The following LRRC9 variants were observed in gnomAD, a reference collection of about 807,000 sequenced individuals.
LRRC9 encodes the protein leucine-rich repeat-containing protein 9.
A neutral mutation model predicts 63.2 loss-of-function variants in LRRC9; 122 were observed. That is an observed-to-expected ratio of 1.93 (90% CI 1.67 to 2.24). The LOEUF (loss-of-function observed/expected upper bound fraction) is 2.24. Ranked by LOEUF, LRRC9 falls within the 30% of genes most tolerant of loss-of-function variation. LRRC9 has a pLI of 0.00. For synonymous variants in LRRC9, 366 were observed against 213.1 expected (o/e 1.72, Z -6.25); for missense variants, 1,071 against 627.7 (o/e 1.71, Z -7.55).
chr14:59,998,299 A>T (rs1441124934), intron 18 of LRRC9, among the ~76,000 whole-genome samples: 1 of 151,938 alleles, frequency 6.6e-6, no homozygotes, highest in Non-Finnish European at 1.5e-5. Flanking sequence ...TTTATTTTGC[A>T]TTTTGCATTA....
chr14:59,976,753 T>A (rs1193320891), intron 13 of LRRC9, among the ~76,000 whole-genome samples: 1 of 152,196 alleles, frequency 6.6e-6, no homozygotes, highest in African/African-American at 2.4e-5. Context: ...AATTACGTTT[T>A]TAGTTTCTTG....
At chr14:60,054,958 C>T (rs1176185634) in intron 30 of LRRC9, among the ~76,000 whole-genome samples, 18 of 152,128 alleles carry the variant, frequency 1.2e-4, no homozygotes. Flanking sequence ...TGAGGTTTTG[C>T]CATGTTGGCC....
chr14:60,021,225 T>A (rs1362670299), intron 26 of LRRC9, among the ~76,000 whole-genome samples: 1 of 151,946 alleles, frequency 6.6e-6, no homozygotes, highest in African/African-American at 2.4e-5. Flanking sequence ...GGTTTTAATT[T>A]GCATTTTCCT....
rs1431954046 is a variant in LRRC9, at chr14:59,932,972, C to T, written c.543+933C>T. Among the ~76,000 whole-genome samples, 1 of 152,120 alleles carries T rather than the reference C, an allele frequency of 6.6e-6. No individual in the cohort carries two copies. Among genetic ancestry groups the T allele is most frequent in the Non-Finnish European group, 1.5e-5 (1 of 68,014 alleles). On this transcript the variant is annotated intron_variant, in intron 6 of 31. Coordinates refer to ENST00000445360, the Ensembl canonical transcript of LRRC9. This position sits in a 1 kb window ranked among gnomAD's most constrained non-coding sequence, Gnocchi z 4.7. ...ACTACCTAATCTAGCCACCCCACCA[C>T]CCCTACCTATCTCTTTGACTACAGT...
At chr14:60,010,455 C>G (rs1328139144) in intron 23 of LRRC9, among the ~76,000 whole-genome samples, 1 of 64,192 alleles carries the variant, frequency 1.6e-5, no homozygotes, top group Non-Finnish European at 5.9e-5. Flanking sequence ...CTGGACCACT[C>G]CAGGAAACCG....
At chr14:59,988,168 A>T (rs1484678294) in intron 17 of LRRC9, among the ~76,000 whole-genome samples, 1 of 152,198 alleles carries the variant, frequency 6.6e-6, no homozygotes, top group African/African-American at 2.4e-5. Flanking sequence ...TACACATCTT[A>T]TATATTTTCT....
chr14:59,974,067 C>T (rs77101157), intron 12 of LRRC9, among the ~76,000 whole-genome samples: 3,817 of 152,126 alleles, frequency 0.025, 113 homozygotes, highest in African/African-American at 0.079. Context: ...GTAATGTGAA[C>T]ATTACCGATA....
At chr14:59,955,827 C>A (rs994528596) in intron 8 of LRRC9, among the ~76,000 whole-genome samples, 1 of 152,168 alleles carries the variant, frequency 6.6e-6, no homozygotes, top group African/African-American at 2.4e-5. Context: ...CCCAGAGATT[C>A]TGGTACGTTG....
chr14:60,043,727 C>G (rs975795008), intron 29 of LRRC9, among the ~76,000 whole-genome samples: 2 of 142,772 alleles, frequency 1.4e-5, no homozygotes, highest in African/African-American at 5.3e-5. Context: ...CTATATTCAT[C>G]AGTGAGCGTA....
chr14:59,926,837 C>T (rs1291877994), intron 1 of LRRC9, among the ~76,000 whole-genome samples: 1 of 152,132 alleles, frequency 6.6e-6, no homozygotes, highest in Non-Finnish European at 1.5e-5. Flanking sequence ...AAATTTGTAG[C>T]TATGACCTGT....
chr14:59,979,476 G>A (rs1036651994), intron 15 of LRRC9, among the ~76,000 whole-genome samples: 2 of 152,076 alleles, frequency 1.3e-5, no homozygotes, highest in African/African-American at 4.8e-5. Context: ...GCCGGCCGTG[G>A]TGGCGGGCGC....
In LRRC9 at chr14:60,060,995, G is replaced by T. The variant is rs570598676; in HGVS notation, c.4277-2328G>T. Among the ~76,000 whole-genome samples the T allele has an allele frequency of 6.6e-6, 1 of 152,306 alleles. No homozygotes were observed. The highest frequency in any genetic ancestry group is 2.1e-4 in the South Asian group (1 of 4,818). ...TGGAGCCTGAAGATGTGACTGAATT[G>T]CTGCAATCTCATGATCAAACTTGAA... On this transcript the variant is annotated intron_variant, in intron 31 of 31. Transcript: ENST00000445360. The surrounding 1 kb of genome is among the most constrained non-coding windows in gnomAD (Gnocchi z 4.0).
At chr14:59,931,938 T>A (rs1284413443) in intron 5 of LRRC9, 31 bp from the exon 6 acceptor site, 4 of 695,724 alleles carry the variant, frequency 5.7e-6, no homozygotes, top group African/African-American at 5.3e-5. Flanking sequence ...GAAGGTAAAA[T>A]AATTGAATTC....
intron 25 of LRRC9, among the ~76,000 whole-genome samples, chr14:60,018,842 T>C (rs1408104784): frequency 6.6e-6 from 1 of 151,892 alleles, no homozygotes; most frequent in Admixed American, 6.6e-5. Flanking sequence ...TAGCTGTCTT[T>C]TCGACTAAAA....
intron 15 of LRRC9, among the ~76,000 whole-genome samples, 171 bp downstream of exon 15, chr14:59,978,303 G>C (rs570027329): frequency 4.5e-4 from 69 of 152,058 alleles, no homozygotes; most frequent in Non-Finnish European, 6.8e-4. Context: ...TATTTTTTAG[G>C]CAAATAATCA....
In LRRC9 at chr14:60,028,802, C is replaced by T. The variant is rs114488223; in HGVS notation, c.3921+701C>T. Reference sequence around the variant, plus strand: ...AAGACAGACTGAACTCTGGACTACCCGCCAAGGGCAGAGACCAAGTCTATC... The same window carrying T: ...AAGACAGACTGAACTCTGGACTACCTGCCAAGGGCAGAGACCAAGTCTATC... On this transcript the variant is annotated intron_variant, in intron 28 of 31. Transcript: ENST00000445360. Among the ~76,000 whole-genome samples, 833 of 152,252 alleles carry T rather than the reference C, an allele frequency of 5.5e-3. 9 individuals are homozygous for T. Among genetic ancestry groups the T allele is most frequent in the African/African-American group, 0.019 (800 of 41,576 alleles).
At chr14:59,969,940 C>A (rs1411075336) in intron 12 of LRRC9, among the ~76,000 whole-genome samples, 1 of 152,102 alleles carries the variant, frequency 6.6e-6, no homozygotes, top group East Asian at 1.9e-4. Context: ...ATACTTTATT[C>A]TCTTATATAG....
intron 12 of LRRC9, among the ~76,000 whole-genome samples, chr14:59,972,279 G>A (rs1297435218): frequency 1.3e-5 from 2 of 152,090 alleles, no homozygotes; most frequent in African/African-American, 2.4e-5. Context: ...CTTTTACCTA[G>A]TTTGCAGGTT....
chr14:59,967,010 C>G, intron 11 of LRRC9, 86 bp from the exon 12 acceptor site: 1 of 534,826 alleles, frequency 1.9e-6, no homozygotes, highest in East Asian at 2.8e-5. Flanking sequence ...GACAAATATC[C>G]CTGGCAGGAC....
Sources: allele counts gnomAD v4.1 joint callset (sites outside exome capture counted in the v4.1 genomes callset), GRCh38; gene constraint gnomAD v4.1.1; non-coding constraint Gnocchi (gnomAD v3.1); transcripts MANE v1.5; gene names NCBI Gene and HGNC (gene_info 2026-07-23, HGNC 2026-07-21).